TSC22D1: variants seen among roughly 807,000 people sequenced by gnomAD.
TSC22D1 encodes the protein TSC22 domain family member 1, also known as TSC22 domain family protein 1.
A neutral mutation model predicts 74.2 loss-of-function variants in TSC22D1; 9 were observed. That is an observed-to-expected ratio of 0.12 (90% confidence interval 0.07 to 0.21). The LOEUF (loss-of-function observed/expected upper bound fraction) is 0.21. Among genes scored for constraint, TSC22D1 ranks in the 10% least tolerant of loss-of-function variants. The pLI is 1.00. For missense variants in TSC22D1, 1,427 were observed against 1,304.7 expected (o/e 1.09, Z -1.44); for synonymous variants, 586 against 492.5 (o/e 1.19, Z -2.51).
Position 44,432,224 on chromosome 13 carries a change from T to C in TSC22D1, c.*2402A>G, listed in dbSNP as rs1595069490. 6.6e-6 allele frequency: 1 copy of C among 152,068 alleles called. No homozygotes were observed. The highest frequency in any genetic ancestry group is 1.9e-4 in the East Asian group (1 of 5,180). The allele number at this position is 152,068 out of a possible 1,614,324, so 9.4% of individuals were successfully genotyped here. ...AATTTCATGAGTCTCACATTTTTAATAAAAAGACCCAAAGTTCCATTAAAT... is the reference window on the plus strand; with the variant it reads ...AATTTCATGAGTCTCACATTTTTAACAAAAAGACCCAAAGTTCCATTAAAT... On this transcript the variant is annotated 3_prime_UTR_variant, in exon 3 of 3. Transcript: ENST00000458659.
intron 1 of TSC22D1, among the ~76,000 whole-genome samples, chr13:44,475,689 G>A (rs1877871724): frequency 6.6e-6 from 1 of 152,014 alleles, no homozygotes; most frequent in Non-Finnish European, 1.5e-5. Context: ...AAGAGATATA[G>A]ATTAAATGGT....
chr13:44,540,057 CCTT>C (rs1881372727), intron 1 of TSC22D1: 5 of 524,810 alleles, frequency 9.5e-6, no homozygotes, highest in African/African-American at 2.0e-5. Context: ...TTCTTTAGTG[CCTT>C]CTTAATTTGA....
chr13:44,489,372 A>C (rs770978625), intron 1 of TSC22D1, among the ~76,000 whole-genome samples: 15 of 152,272 alleles, frequency 9.9e-5, no homozygotes, highest in Admixed American at 3.9e-4. Context: ...ACTACATCAA[A>C]ATTAGGAATT....
At chr13:44,551,068 A>T (rs950365365) in intron 1 of TSC22D1, among the ~76,000 whole-genome samples, 11 of 151,664 alleles carry the variant, frequency 7.3e-5, no homozygotes, top group Non-Finnish European at 1.3e-4. Flanking sequence ...TGATTGCACC[A>T]CTGTACTCCA....
At chr13:44,533,042 C>T (rs17065936) in intron 1 of TSC22D1, among the ~76,000 whole-genome samples, 2,852 of 152,070 alleles carry the variant, frequency 0.019, 81 homozygotes, top group African/African-American at 0.065. Flanking sequence ...GTATTAGAAA[C>T]GTATGTGGTA....
chr13:44,574,626 A>T lies in TSC22D1; in HGVS notation c.1449T>A (p.Ser483Arg), dbSNP rs1884067133. Reference sequence around the variant, plus strand: ...GGGCTCCCATCTCTCCACTTCCCACACTCTCTGTATAGTGACTCAGTGTGC... The same window carrying T: ...GGGCTCCCATCTCTCCACTTCCCACTCTCTCTGTATAGTGACTCAGTGTGC... ...SVSTLSHYTESVGSGEMGAPT... is the reference protein window; with the variant it reads ...SVSTLSHYTERVGSGEMGAPT... Residue 483 changes from serine (S) to arginine (R), a missense_variant, in exon 1 of 3, where the codon AGT becomes AGA. Physicochemically the swap from Ser to Arg is moderately radical, Grantham distance 110 (BLOSUM62 -1). This residue lies in a region of TSC22D1 where 1,343 missense variants were observed against 1,191.5 expected (regional missense o/e 1.13). Coordinates refer to ENST00000458659, the MANE Select transcript of TSC22D1 (RefSeq NM_183422.4). The T allele has an allele frequency of 6.2e-7, 1 of 1,613,438 alleles. No individual in the cohort carries two copies. Among genetic ancestry groups the T allele is most frequent in the Non-Finnish European group, 8.5e-7 (1 of 1,179,908 alleles).
At chr13:44,435,467 A>G (rs1423238832) in intron 2 of TSC22D1, among the ~76,000 whole-genome samples, 4 of 152,246 alleles carry the variant, frequency 2.6e-5, no homozygotes, top group African/African-American at 9.6e-5. Flanking sequence ...TCCCGTGAGA[A>G]GAGCCACAGG....
At chr13:44,562,154 C>T (rs1174645041) in intron 1 of TSC22D1, among the ~76,000 whole-genome samples, 1 of 152,184 alleles carries the variant, frequency 6.6e-6, no homozygotes, top group Non-Finnish European at 1.5e-5. Context: ...ATCCTCCCAC[C>T]TCAACCTCCC....
chr13:44,575,503 G>T lies in TSC22D1; in HGVS notation c.572C>A (p.Pro191His). The stretch of plus-strand genomic sequence containing the variant: ...AGGCTGAGGAAGGTGGGGCTGGTTG[G>T]GAGAGACTGCCCCAGGTGTCTCGGC... ...QEAETPGAVS[P>H]NQPHLPQPHL... The change falls in exon 1 of 3, where the codon CCC (proline) becomes CAC (histidine). Residue 191 changes from proline (P) to histidine (H), a missense_variant. Physicochemically the swap from Pro to His is moderately conservative, Grantham distance 77. This residue lies in a region of TSC22D1 where 1,343 missense variants were observed against 1,191.5 expected (regional missense o/e 1.13). Transcript: ENST00000458659. 6.2e-7 allele frequency: 1 copy of T among 1,614,108 alleles called. No homozygotes were observed. The highest frequency in any genetic ancestry group is 8.5e-7 in the Non-Finnish European group (1 of 1,180,020).
chr13:44,446,793 G>A (rs56053112), intron 1 of TSC22D1, among the ~76,000 whole-genome samples: 14 of 118,270 alleles, frequency 1.2e-4, no homozygotes, highest in Non-Finnish European at 1.8e-4. Flanking sequence ...AAGAGGAGGA[G>A]GAGGAGGAAA....
At chr13:44,462,327 T>C in intron 1 of TSC22D1, among the ~76,000 whole-genome samples, 1 of 152,214 alleles carries the variant, frequency 6.6e-6, no homozygotes, top group East Asian at 1.9e-4. Flanking sequence ...TTTGGAAAGG[T>C]GCTGGACCAT....
At chr13:44,509,950 CAAAAAAAAAAA>C in intron 1 of TSC22D1, among the ~76,000 whole-genome samples, 3 of 51,426 alleles carry the variant, frequency 5.8e-5, no homozygotes, top group Non-Finnish European at 1.1e-4. Flanking sequence ...AGAAAATAAG[CAAAAAAAAAAA>C]AAAAAAAAAA....
chr13:44,525,923 A>G (rs2035951865), intron 1 of TSC22D1, among the ~76,000 whole-genome samples: 1 of 152,146 alleles, frequency 6.6e-6, no homozygotes, highest in African/African-American at 2.4e-5. Context: ...ACAACATGGC[A>G]AAAACCCATC....
At chr13:44,538,586 C>T (rs1233619402) in intron 1 of TSC22D1, 20 of 985,260 alleles carry the variant, frequency 2.0e-5, no homozygotes, top group Admixed American at 6.2e-5. Flanking sequence ...CTATTTCAGT[C>T]TTCTGAATAG....
At position 44,575,847 on chromosome 13, in the gene TSC22D1, T is replaced by C; in HGVS notation, c.228A>G (p.Gly76=). 2 of 1,613,842 alleles carry C rather than the reference T, an allele frequency of 1.2e-6. No homozygotes were observed. The highest frequency in any genetic ancestry group is 8.5e-7 in the Non-Finnish European group (1 of 1,179,940). Residue 76 remains glycine (G), a synonymous_variant, in exon 1 of 3, where the codon GGA becomes GGG. Coordinates refer to ENST00000458659, the MANE Select transcript of TSC22D1 (RefSeq NM_183422.4). ...PPPPAASSTS[G]PQPPPPQSLN... is the part of the protein sequence containing the mutation. ...GGCTTTGTGGAGGCGGAGGCTGTGGTCCCGACGTAGAAGATGCTGCAGGGG... is the reference window on the plus strand; with the variant it reads ...GGCTTTGTGGAGGCGGAGGCTGTGGCCCCGACGTAGAAGATGCTGCAGGGG...
At chr13:44,495,372 G>C (rs2137968734) in intron 1 of TSC22D1, among the ~76,000 whole-genome samples, 1 of 150,282 alleles carries the variant, frequency 6.7e-6, no homozygotes, top group East Asian at 2.0e-4. Flanking sequence ...GAGAAATTAA[G>C]ACATTCTCCC....
chr13:44,473,605 ATGTGTG>A (rs3046032), intron 1 of TSC22D1, among the ~76,000 whole-genome samples: 2 of 151,212 alleles, frequency 1.3e-5, no homozygotes, highest in Non-Finnish European at 1.5e-5. Flanking sequence ...AGCAGTATAT[ATGTGTG>A]TGTGTGTGTG....
intron 1 of TSC22D1, among the ~76,000 whole-genome samples, chr13:44,477,483 C>A (rs562389585): frequency 6.6e-6 from 1 of 152,008 alleles, no homozygotes; most frequent in Admixed American, 6.6e-5. Flanking sequence ...GGCATTTAAA[C>A]GTCTAATTCT....
chr13:44,543,618 G>A (rs1248442171), intron 1 of TSC22D1, among the ~76,000 whole-genome samples: 6 of 152,196 alleles, frequency 3.9e-5, no homozygotes, highest in Non-Finnish European at 8.8e-5. Context: ...GAAGCAGTGT[G>A]TCTTTTATCT....
Sources: allele counts gnomAD v4.1 joint callset (sites outside exome capture counted in the v4.1 genomes callset), GRCh38; gene constraint gnomAD v4.1.1; regional missense constraint gnomAD v4.1.1; transcripts MANE v1.5; gene names NCBI Gene and HGNC (gene_info 2026-07-23, HGNC 2026-07-21).